CSMD1: variants seen among roughly 807,000 people sequenced by gnomAD.
CSMD1 encodes the protein CUB and sushi domain-containing protein 1.
In CSMD1, 213 loss-of-function variants were observed where a neutral mutation model predicts 417.5. That is an observed-to-expected ratio of 0.51 (90% CI 0.46 to 0.57). The LOEUF (loss-of-function observed/expected upper bound fraction) is 0.57. Among genes scored for constraint, CSMD1 ranks in the 20% least tolerant of loss-of-function variants. CSMD1 has a pLI of 0.00. For missense variants in CSMD1, 6,923 were observed against 4,529.7 expected, an observed-to-expected ratio of 1.53 and a Z score of -15.17; for synonymous variants, 2,862 against 1,736.8, an observed-to-expected ratio of 1.65 and a Z score of -16.11.
chr8:3,209,693 G>C (rs10097677), intron 30 of CSMD1, among the ~76,000 whole-genome samples: 1 of 152,064 alleles, frequency 6.6e-6, no homozygotes, highest in Non-Finnish European at 1.5e-5. Flanking sequence ...TCTCACCTTA[G>C]AAGTTATTTT....
At chr8:4,267,576 A>G (rs921420360) in intron 3 of CSMD1, among the ~76,000 whole-genome samples, 3 of 151,980 alleles carry the variant, frequency 2.0e-5, no homozygotes, top group African/African-American at 7.2e-5. Context: ...CTGACACAAT[A>G]AGTGACACAT....
intron 3 of CSMD1, among the ~76,000 whole-genome samples, chr8:4,137,581 G>A (rs1372965832): frequency 7.6e-6 from 1 of 131,266 alleles, no homozygotes; most frequent in Non-Finnish European, 1.8e-5. Context: ...TGATGTTAAT[G>A]GAACTGGTTG....
At chr8:4,331,354 A>G (rs1799859083) in intron 3 of CSMD1, among the ~76,000 whole-genome samples, 1 of 152,092 alleles carries the variant, frequency 6.6e-6, no homozygotes. Context: ...CCCGCCCCTC[A>G]AAGCTTCCTG....
chr8:4,551,667 AATTT>A (rs1159639969), intron 2 of CSMD1, among the ~76,000 whole-genome samples: 6 of 151,880 alleles, frequency 4.0e-5, no homozygotes, highest in Non-Finnish European at 8.8e-5. Context: ...TCTCAGGATC[AATTT>A]ATTTATTTAT....
chr8:4,295,527 T>G (rs1034688045), intron 3 of CSMD1, among the ~76,000 whole-genome samples: 4 of 144,678 alleles, frequency 2.8e-5, no homozygotes, highest in Non-Finnish European at 4.5e-5. Context: ...TTATATATAT[T>G]ACATATATTA....
rs78607452 is a variant in CSMD1 at position 3,061,451 on chromosome 8, C to G, written c.7475-8804G>C. On this transcript the variant is annotated intron_variant, in intron 49 of 69. Transcript: ENST00000635120. Reference sequence around the variant, plus strand: ...TCAGAATGTTCGGGACATTTACCATCAAATGTTTTCTCTGCACCGTGGATA... The same window carrying G: ...TCAGAATGTTCGGGACATTTACCATGAAATGTTTTCTCTGCACCGTGGATA... 2.2e-3 allele frequency among the ~76,000 whole-genome samples: 337 copies of G among 152,272 alleles called. 3 individuals are homozygous for G. The highest frequency in any genetic ancestry group is 4.0e-3 in the Admixed American group (61 of 15,304).
chr8:4,718,555 G>T (rs760112841), intron 1 of CSMD1, among the ~76,000 whole-genome samples: 4 of 151,574 alleles, frequency 2.6e-5, no homozygotes, highest in African/African-American at 7.3e-5. Flanking sequence ...TTTGAAAAAA[G>T]AAAGAAAAAA....
chr8:4,229,823 A>T (rs1340380903), intron 3 of CSMD1, among the ~76,000 whole-genome samples: 1 of 152,154 alleles, frequency 6.6e-6, no homozygotes, highest in African/African-American at 2.4e-5. Context: ...AAACGTATGA[A>T]TCCCAAGAGG....
intron 5 of CSMD1, among the ~76,000 whole-genome samples, chr8:3,862,231 C>G (rs950906800): frequency 6.6e-6 from 1 of 152,164 alleles, no homozygotes; most frequent in Non-Finnish European, 1.5e-5. Context: ...CTGCCTTAAC[C>G]TACCTCATAC....
At chr8:3,596,212 C>G (rs1213623969) in intron 8 of CSMD1, among the ~76,000 whole-genome samples, 1 of 152,120 alleles carries the variant, frequency 6.6e-6, no homozygotes, top group Non-Finnish European at 1.5e-5. Flanking sequence ...CACCACCGCC[C>G]CGGCAGCCTG....
intron 25 of CSMD1, among the ~76,000 whole-genome samples, chr8:3,305,110 G>T (rs1272852142): frequency 2.6e-5 from 4 of 151,964 alleles, no homozygotes; most frequent in Non-Finnish European, 5.9e-5. Context: ...TGACCAACTG[G>T]GCTCAAGACA....
intron 5 of CSMD1, among the ~76,000 whole-genome samples, chr8:3,838,666 AAATT>A (rs573575994): frequency 1.4e-4 from 16 of 113,462 alleles, no homozygotes; most frequent in East Asian, 1.4e-3. Context: ...AATATATAAT[AAATT>A]AATATTATAT....
chr8:4,155,393 C>T (rs1401663169), intron 3 of CSMD1, among the ~76,000 whole-genome samples: 1 of 152,168 alleles, frequency 6.6e-6, no homozygotes, highest in African/African-American at 2.4e-5. Flanking sequence ...AGATCACATT[C>T]CTTTTACTTT....
chr8:4,522,195 T>G (rs531644231), intron 2 of CSMD1, among the ~76,000 whole-genome samples: 1 of 152,102 alleles, frequency 6.6e-6, no homozygotes, highest in Non-Finnish European at 1.5e-5. Context: ...TGAGAGCTGA[T>G]GATTTATAAA....
chr8:3,959,211 G>T (rs1812161647), intron 5 of CSMD1, among the ~76,000 whole-genome samples: 1 of 152,174 alleles, frequency 6.6e-6, no homozygotes, highest in Non-Finnish European at 1.5e-5. Context: ...AATTCTTATA[G>T]TTTCTAGACA....
intron 3 of CSMD1, among the ~76,000 whole-genome samples, chr8:4,080,759 G>A (rs1261714769): frequency 6.6e-6 from 1 of 152,118 alleles, no homozygotes; most frequent in African/African-American, 2.4e-5. Context: ...AATATAAGGT[G>A]AATAAGACTG....
intron 40 of CSMD1, among the ~76,000 whole-genome samples, chr8:3,150,637 C>G (rs1267109623): frequency 1.3e-5 from 2 of 152,172 alleles, no homozygotes; most frequent in Non-Finnish European, 2.9e-5. Context: ...AAATACCCAG[C>G]TACTCTGCCC....
chr8:3,293,618 T>C (rs947896288), intron 25 of CSMD1, among the ~76,000 whole-genome samples: 5 of 152,242 alleles, frequency 3.3e-5, no homozygotes, highest in African/African-American at 4.8e-5. Flanking sequence ...GTTGATTGTA[T>C]TGGCTACTGA....
intron 5 of CSMD1, among the ~76,000 whole-genome samples, chr8:3,903,845 T>G (rs534482202): frequency 6.6e-6 from 1 of 152,190 alleles, no homozygotes; most frequent in Non-Finnish European, 1.5e-5. Context: ...TCTTTAGTGG[T>G]CTTGTTTGTT....
Sources: gnomAD v4.1 joint callset for allele counts (sites outside exome capture counted in the v4.1 genomes callset) on GRCh38, gnomAD v4.1.1 for gene constraint, MANE v1.5 for transcripts, NCBI Gene and HGNC (gene_info 2026-07-23, HGNC 2026-07-21) for gene names.